Variants in EFHC1 observed in about 807,000 individuals in gnomAD.
The protein encoded by EFHC1 is EF-hand domain-containing protein 1.
Under a neutral mutation model 69.9 loss-of-function variants are expected in EFHC1, and 53 were observed. The observed-to-expected ratio is 0.76, with a 90% CI of 0.61 to 0.95. The LOEUF is 0.95. Ranked by LOEUF, EFHC1 falls within the 40% of genes least tolerant of loss-of-function variation. The pLI, the probability that EFHC1 is intolerant of heterozygous loss-of-function variation, is 0.00. For missense variants in EFHC1, 739 were observed against 798.7 expected (o/e 0.93, Z 0.90); for synonymous variants, 256 against 278.4 (o/e 0.92, Z 0.80).
In EFHC1 at chr6:52,494,625, T is replaced by C. The variant is rs1311676504; in HGVS notation, c.*2284T>C. ...TCAGGGGGTACATGTGCAGGTTTGT[T>C]ACATGAGTATATTGCACCCAGGTAG... On this transcript the variant is annotated 3_prime_UTR_variant, in exon 11 of 11. Coordinates refer to ENST00000371068, the MANE Select transcript of EFHC1 (RefSeq NM_018100.4). 1 of 454,126 alleles carries C rather than the reference T, an allele frequency of 2.2e-6. No homozygotes were observed. Among genetic ancestry groups the C allele is most frequent in the Non-Finnish European group, 4.4e-6 (1 of 226,790 alleles). 28.1% of individuals were successfully genotyped at this position (454,126 alleles called of 1,614,324 possible).
intron 7 of EFHC1, among the ~76,000 whole-genome samples, chr6:52,471,486 A>G (rs1486368158): frequency 6.6e-6 from 1 of 152,230 alleles, no homozygotes; most frequent in African/African-American, 2.4e-5. Flanking sequence ...ATGTTCAGAA[A>G]CAAGACAAGA....
Position 52,469,448 on chromosome 6 carries a change from A to G in EFHC1, c.1253A>G (p.Lys418Arg). The change falls in exon 7 of 11, where the codon AAG (lysine) becomes AGG (arginine). Residue 418 changes from lysine to arginine, a missense_variant. By Grantham distance (26) the Lys-to-Arg change is conservative. Coordinates refer to ENST00000371068, the MANE Select transcript of EFHC1 (RefSeq NM_018100.4). ...ATTAAAATGCTGGTGAATGATAACA[A>G]GGTGCTTCGTTATTTGGCTGTACTG... ...DVIKMLVNDNKVLRYLAVLES... is the reference protein window; with the variant it reads ...DVIKMLVNDNRVLRYLAVLES... 2 of 1,613,976 alleles carry G rather than the reference A, an allele frequency of 1.2e-6. No individual in the cohort carries two copies. The highest frequency in any genetic ancestry group is 1.7e-6 in the Non-Finnish European group (2 of 1,179,930).
chr6:52,433,476 C>G (rs2113974706), intron 2 of EFHC1, among the ~76,000 whole-genome samples: 1 of 152,308 alleles, frequency 6.6e-6, no homozygotes, highest in Middle Eastern at 3.4e-3. Context: ...GCAAGTCTGC[C>G]AGGCTCCAGG....
chr6:52,468,913 T>C (rs922560584), intron 6 of EFHC1: 3 of 219,786 alleles, frequency 1.4e-5, no homozygotes, highest in African/African-American at 7.0e-5. Flanking sequence ...AAATACTCTG[T>C]TATGGATGGT....
rs531178558 is a variant in EFHC1, at chr6:52,421,064, G to T, written c.63+591G>T. ...TATCGATTCCGCTCCTCTTCTTTCC[G>T]CCAGGTCTTTTTCCTTTCTTCTTTA... On this transcript the variant is annotated intron_variant, in intron 1 of 10. Coordinates refer to ENST00000371068, the MANE Select transcript of EFHC1 (RefSeq NM_018100.4). The T allele has an allele frequency of 2.7e-5, 27 of 991,332 alleles. No individual in the cohort carries two copies. In the African/African-American group the frequency reaches 4.5e-4, roughly 17 times the overall value. 61.4% of individuals were successfully genotyped at this position (991,332 alleles called of 1,614,324 possible).
chr6:52,474,040 GGGCCA>G (rs1765493515), intron 7 of EFHC1, among the ~76,000 whole-genome samples: 1 of 151,960 alleles, frequency 6.6e-6, no homozygotes, highest in South Asian at 2.1e-4. Context: ...CATATTAGAA[GGGCCA>G]GGTGCAGTGA....
intron 9 of EFHC1, 38 bp from the exon 10 acceptor site, chr6:52,490,102 A>G: frequency 6.3e-7 from 1 of 1,580,270 alleles, no homozygotes; most frequent in Middle Eastern, 1.7e-4. Context: ...GATCAAGAAT[A>G]AATACCATGT....
intron 7 of EFHC1, among the ~76,000 whole-genome samples, chr6:52,471,644 T>C (rs757107023): frequency 1.4e-4 from 22 of 152,070 alleles, no homozygotes; most frequent in Non-Finnish European, 3.1e-4. Flanking sequence ...GGAGGGCAGA[T>C]CACTTGAGGT....
intron 2 of EFHC1, among the ~76,000 whole-genome samples, chr6:52,432,319 T>G (rs1237501282): frequency 6.6e-6 from 1 of 152,196 alleles, no homozygotes; most frequent in Non-Finnish European, 1.5e-5. Context: ...ATTTATGCTT[T>G]AAAGAGGTTC....
chr6:52,421,077 CCTTT>C, intron 1 of EFHC1: 1 of 988,330 alleles, frequency 1.0e-6, no homozygotes, highest in Non-Finnish European at 1.2e-6. Flanking sequence ...AGGTCTTTTT[CCTTT>C]CTTCTTTATG....
At position 52,493,511 on chromosome 6, in the gene EFHC1, G is replaced by T. The variant is rs533657379; in HGVS notation, c.*1170G>T. 3 of 403,480 alleles carry T rather than the reference G, an allele frequency of 7.4e-6. No homozygotes were observed. The highest frequency in any genetic ancestry group is 3.6e-5 in the South Asian group (2 of 55,426). 25.0% of individuals were successfully genotyped at this position (403,480 alleles called of 1,614,324 possible). A position where few individuals can be genotyped will look rare whatever the true frequency, so the allele number is the denominator to read the frequency against. On this transcript the variant is annotated 3_prime_UTR_variant, in exon 11 of 11. Transcript: ENST00000371068. ...TACTAAAAATAGAAAAATTAGCCAG[G>T]TGTGGTGGCGTGTGCCTGTAGTCCC...
chr6:52,428,578 C>T (rs1223789728), intron 2 of EFHC1, among the ~76,000 whole-genome samples: 2 of 152,082 alleles, frequency 1.3e-5, no homozygotes, highest in Non-Finnish European at 1.5e-5. Context: ...TCTTTGTCCA[C>T]TTATTGATTG....
At chr6:52,451,905 T>C (rs934258951) in intron 3 of EFHC1, among the ~76,000 whole-genome samples, 1 of 152,118 alleles carries the variant, frequency 6.6e-6, no homozygotes, top group Non-Finnish European at 1.5e-5. Context: ...ACAGTATTTG[T>C]TTTAAGTGAA....
chr6:52,466,140 G>C (rs1765302244), intron 6 of EFHC1, among the ~76,000 whole-genome samples: 1 of 152,096 alleles, frequency 6.6e-6, no homozygotes, highest in Non-Finnish European at 1.5e-5. Context: ...TTAAAAGACA[G>C]TTAAAATACA....
rs1765947715 is a variant in EFHC1, at chr6:52,493,115, T to G, written c.*774T>G. 4.4e-6 allele frequency: 2 copies of G among 453,808 alleles called. No individual in the cohort carries two copies. Among genetic ancestry groups the G allele is most frequent in the Non-Finnish European group, 8.8e-6 (2 of 226,748 alleles). The allele number at this position is 453,808 out of a possible 1,614,324, so 28.1% of individuals were successfully genotyped here. The stretch of plus-strand genomic sequence containing the variant: ...TCCTCCTGCCTGACTGGCTTCAAAT[T>G]GGAACATCAGCCTTTTCTTGCCTTC... On this transcript the variant is annotated 3_prime_UTR_variant, in exon 11 of 11. Transcript: ENST00000371068.
chr6:52,476,084 G>A (rs1765539996), intron 7 of EFHC1, among the ~76,000 whole-genome samples: 1 of 152,078 alleles, frequency 6.6e-6, no homozygotes, highest in African/African-American at 2.4e-5. Context: ...AGGGCAAAAA[G>A]GTGGAAATGA....
chr6:52,480,421 A>G (rs975188539), intron 9 of EFHC1, among the ~76,000 whole-genome samples: 1 of 152,216 alleles, frequency 6.6e-6, no homozygotes, highest in African/African-American at 2.4e-5. Flanking sequence ...AATGCCTATT[A>G]TGTGTCAGAG....
intron 10 of EFHC1, among the ~76,000 whole-genome samples, 154 bp from the exon 11 acceptor site, chr6:52,492,116 G>T (rs1765916445): frequency 6.6e-6 from 1 of 152,168 alleles, no homozygotes; most frequent in South Asian, 2.1e-4. Flanking sequence ...CTACCTGCCA[G>T]GTTCACAGGA....
intron 2 of EFHC1, chr6:52,437,764 T>C (rs2113978609): frequency 6.3e-6 from 1 of 159,054 alleles, no homozygotes; most frequent in African/African-American, 2.4e-5. Flanking sequence ...GGATTAGACT[T>C]AAAGGTGGCA....
Sources: gnomAD v4.1 joint callset for allele counts (sites outside exome capture counted in the v4.1 genomes callset) on GRCh38, gnomAD v4.1.1 for gene constraint, MANE v1.5 for transcripts, NCBI Gene and HGNC (gene_info 2026-07-23, HGNC 2026-07-21) for gene names.